NRROS: variants seen among roughly 807,000 people sequenced by gnomAD.
NRROS encodes transforming growth factor beta activator LRRC33.
A neutral mutation model predicts 12.0 loss-of-function variants in NRROS; 6 were observed. The ratio of observed to expected loss-of-function variants is 0.50; its 90% CI spans 0.27 to 0.98. The LOEUF (loss-of-function observed/expected upper bound fraction) is 0.98. NRROS is among the 50% of genes least tolerant of loss of function. NRROS has a pLI of 0.11. For missense variants in NRROS, 857 were observed against 888.2 expected (o/e 0.96, Z 0.45); for synonymous variants, 462 against 410.2 (o/e 1.13, Z -1.53).
intron 2 of NRROS, among the ~76,000 whole-genome samples, chr3:196,656,473 GTAA>G: frequency 6.6e-6 from 1 of 152,154 alleles, no homozygotes. Flanking sequence ...GAATATATAC[GTAA>G]TAATAATATC....
chr3:196,642,292 G>A (rs843522), intron 1 of NRROS, among the ~76,000 whole-genome samples: 88,788 of 142,934 alleles, frequency 0.62, 27,086 homozygotes, highest in African/African-American at 0.69. Context: ...CGGCAAAAAA[G>A]AAAAAAAAAA....
chr3:196,652,581 C>T (rs1737449791), intron 1 of NRROS, among the ~76,000 whole-genome samples: 1 of 152,174 alleles, frequency 6.6e-6, no homozygotes, highest in South Asian at 2.1e-4. Context: ...CCTGCCAGGG[C>T]CACAACAAGA....
chr3:196,646,166 TCAC>T (rs1156948296), intron 1 of NRROS, among the ~76,000 whole-genome samples: 1 of 152,040 alleles, frequency 6.6e-6, no homozygotes, highest in Non-Finnish European at 1.5e-5. Context: ...TCCTCCGTGG[TCAC>T]CACCAGAGTG....
chr3:196,660,299 G>A lies in NRROS; in HGVS notation c.656G>A (p.Cys219Tyr). 1.2e-6 allele frequency: 2 copies of A among 1,613,994 alleles called. No homozygotes were observed. The highest frequency in any genetic ancestry group is 1.7e-6 in the Non-Finnish European group (2 of 1,180,014). The change falls in exon 3 of 3, where the codon TGC becomes TAC. Residue 219 changes from cysteine (C) to tyrosine (Y), a missense_variant. By Grantham distance (194) the Cys-to-Tyr change is radical. Coordinates refer to ENST00000328557, the MANE Select transcript of NRROS (RefSeq NM_198565.3). The surrounding 1 kb of genome is among the most constrained non-coding windows in gnomAD (Gnocchi z 7.7). Reference sequence around the variant, plus strand: ...AACCTGGCCTTCAACAACCTCCCCTGCATCGTGGACTTCGGGCTCACGCGG... The same window carrying A: ...AACCTGGCCTTCAACAACCTCCCCTACATCGTGGACTTCGGGCTCACGCGG... Reference protein sequence around the residue: ...HLNLAFNNLPCIVDFGLTRLR... With the variant: ...HLNLAFNNLPYIVDFGLTRLR...
intron 1 of NRROS, among the ~76,000 whole-genome samples, chr3:196,640,668 G>A (rs1402583779): frequency 6.6e-6 from 1 of 152,182 alleles, no homozygotes; most frequent in African/African-American, 2.4e-5. Flanking sequence ...ACTTCCCCAC[G>A]TACCCAGGAG....
In NRROS at chr3:196,649,629, G is replaced by A. The variant is rs548028501; in HGVS notation, c.-13-4898G>A. 2.3e-3 allele frequency among the ~76,000 whole-genome samples: 353 copies of A among 152,182 alleles called. 4 individuals are homozygous for A. The highest frequency in any genetic ancestry group is 0.02 in the Middle Eastern group (6 of 294). On this transcript the variant is annotated intron_variant, in intron 1 of 2. Transcript: ENST00000328557. ...TGGGACTACAGGCGCCCGCCACCGC[G>A]CCCGGCTAATTTTTTGTATTTTTAG...
intron 1 of NRROS, among the ~76,000 whole-genome samples, chr3:196,649,036 C>T (rs1355013739): frequency 6.6e-6 from 1 of 152,176 alleles, no homozygotes; most frequent in Non-Finnish European, 1.5e-5. Flanking sequence ...TACCCTGTTT[C>T]CTAAGTCATC....
intron 1 of NRROS, among the ~76,000 whole-genome samples, chr3:196,646,750 T>C (rs11918382): frequency 0.16 from 23,894 of 152,118 alleles, 1,996 homozygotes; most frequent in Middle Eastern, 0.24. Flanking sequence ...GCCTCATCCA[T>C]TCCCAGAGAG....
rs766553186 is a variant in NRROS at position 196,660,990 on chromosome 3, G to A, written c.1347G>A (p.Arg449=). The A allele has an allele frequency of 6.2e-7, 1 of 1,614,192 alleles. No individual in the cohort carries two copies. The highest frequency in any genetic ancestry group is 2.2e-5 in the East Asian group (1 of 44,874). ...GTCCCCTGCCAGCTGCCTCGGACCGGGTGGGCCCCCCTAGCTGTGTGGATT... is the reference window on the plus strand; with the variant it reads ...GTCCCCTGCCAGCTGCCTCGGACCGAGTGGGCCCCCCTAGCTGTGTGGATT... The part of the protein sequence containing the change: ...SLCPLPAASD[R]VGPPSCVDFR... Residue 449 remains arginine (R), a synonymous_variant, in exon 3 of 3, where the codon CGG becomes CGA. Coordinates refer to ENST00000328557, the MANE Select transcript of NRROS (RefSeq NM_198565.3). This position sits in a 1 kb window ranked among gnomAD's most constrained non-coding sequence, Gnocchi z 7.7.
At chr3:196,656,921 T>G (rs1577634720) in intron 2 of NRROS, among the ~76,000 whole-genome samples, 1 of 152,032 alleles carries the variant, frequency 6.6e-6, no homozygotes, top group South Asian at 2.1e-4. Context: ...AAGTGGACGT[T>G]GGCCAGGTGC....
At chr3:196,651,033 G>A (rs11708684) in intron 1 of NRROS, among the ~76,000 whole-genome samples, 1 of 152,136 alleles carries the variant, frequency 6.6e-6, no homozygotes, top group African/African-American at 2.4e-5. Context: ...GTGGTCCTCA[G>A]CCCTGAGGAT....
chr3:196,648,875 C>G (rs1474210004), intron 1 of NRROS, among the ~76,000 whole-genome samples: 1 of 152,076 alleles, frequency 6.6e-6, no homozygotes, highest in African/African-American at 2.4e-5. Flanking sequence ...ACCCCCAGCC[C>G]CACTCCAGCC....
At chr3:196,642,455 C>T (rs1334123892) in intron 1 of NRROS, among the ~76,000 whole-genome samples, 4 of 152,272 alleles carry the variant, frequency 2.6e-5, no homozygotes, top group South Asian at 2.1e-4. Flanking sequence ...AGGCAAGTCC[C>T]GGAGCTGGTG....
At position 196,654,446 on chromosome 3, in the gene NRROS, C is replaced by T. The variant is rs1340564018; in HGVS notation, c.-13-81C>T. The stretch of plus-strand genomic sequence containing the variant: ...GCTCCAAGACCACATAGAATTGGAA[C>T]TGGCTCCTTCTGCCGATAATACAAA... On this transcript the variant is annotated intron_variant, in intron 1 of 2. Coordinates refer to ENST00000328557, the MANE Select transcript of NRROS (RefSeq NM_198565.3). The surrounding 1 kb of genome is among the most constrained non-coding windows in gnomAD (Gnocchi z 4.4). 1.2e-6 allele frequency: 1 copy of T among 835,450 alleles called. No individual in the cohort carries two copies. Among genetic ancestry groups the T allele is most frequent in the Non-Finnish European group, 2.1e-6 (1 of 473,792 alleles). The allele number at this position is 835,450 out of a possible 1,614,324, so 51.8% of individuals were successfully genotyped here. A position where few individuals can be genotyped will look rare whatever the true frequency, so the allele number is the denominator to read the frequency against.
chr3:196,647,334 G>T (rs752683385), intron 1 of NRROS, among the ~76,000 whole-genome samples: 2 of 152,116 alleles, frequency 1.3e-5, no homozygotes, highest in African/African-American at 2.4e-5. Flanking sequence ...AGTTCTTAGG[G>T]GGGGAGAAGT....
intron 1 of NRROS, among the ~76,000 whole-genome samples, chr3:196,651,362 A>G (rs894733101): frequency 3.9e-5 from 6 of 152,204 alleles, no homozygotes; most frequent in Non-Finnish European, 8.8e-5. Flanking sequence ...TATTTAATGC[A>G]AGAAAGTGGC....
intron 1 of NRROS, among the ~76,000 whole-genome samples, chr3:196,645,084 A>C (rs1436247220): frequency 6.6e-6 from 1 of 152,214 alleles, no homozygotes; most frequent in Non-Finnish European, 1.5e-5. Flanking sequence ...TGATCATAAA[A>C]ATCAAATAAT....
chr3:196,660,816 G>A lies in NRROS; in HGVS notation c.1173G>A (p.Leu391=). The change falls in exon 3 of 3, where the codon CTG becomes CTA. Residue 391 remains leucine, a synonymous_variant. Transcript: ENST00000328557. The surrounding 1 kb of genome is among the most constrained non-coding windows in gnomAD (Gnocchi z 7.7). ...LDLSHNQLSE[L]HLAPGLASCL... ...TGAGCCACAACCAGCTGTCGGAGCT[G>A]CACCTGGCTCCGGGGCTGGCCAGCT... The A allele has an allele frequency of 1.9e-6, 3 of 1,613,606 alleles. No homozygotes were observed. Among genetic ancestry groups the A allele is most frequent in the South Asian group, 2.2e-5 (2 of 91,084 alleles).
chr3:196,656,481 A>AT (rs1737539901), intron 2 of NRROS, among the ~76,000 whole-genome samples: 2 of 152,112 alleles, frequency 1.3e-5, no homozygotes. Flanking sequence ...ACGTAATAAT[A>AT]ATATCTACCA....
Sources: allele counts gnomAD v4.1 joint callset (sites outside exome capture counted in the v4.1 genomes callset), GRCh38; gene constraint gnomAD v4.1.1; non-coding constraint Gnocchi (gnomAD v3.1); transcripts MANE v1.5; gene names NCBI Gene and HGNC (gene_info 2026-07-23, HGNC 2026-07-21).